WDFY1: variants seen among roughly 807,000 people sequenced by gnomAD.
The protein encoded by WDFY1 is WD repeat and FYVE domain containing 1.
Under a neutral mutation model 56.4 loss-of-function variants are expected in WDFY1, and 32 were observed. The ratio of observed to expected loss-of-function variants is 0.57; its 90% CI spans 0.43 to 0.76. The LOEUF (loss-of-function observed/expected upper bound fraction) is 0.76. Among genes scored for constraint, WDFY1 ranks in the 30% least tolerant of loss-of-function variants. The pLI is 0.00. For synonymous variants in WDFY1, 192 were observed against 197.3 expected (o/e 0.97, Z 0.23); for missense variants, 480 against 545.7 (o/e 0.88, Z 1.20).
chr2:223,887,194 G>A (rs983442831), intron 8 of WDFY1, among the ~76,000 whole-genome samples: 2 of 152,200 alleles, frequency 1.3e-5, no homozygotes, highest in Non-Finnish European at 2.9e-5. Context: ...GGTGATGTGT[G>A]GGGATACTAC....
At chr2:223,888,901 C>CTTTTTTTTTTTTTT (rs71058955) in intron 8 of WDFY1, among the ~76,000 whole-genome samples, 1 of 61,436 alleles carries the variant, frequency 1.6e-5, no homozygotes, top group Non-Finnish European at 3.2e-5. Flanking sequence ...ATTCTCAACT[C>CTTTTTTTTTTTTTT]TTTTTTTTTT....
At position 223,875,402 on chromosome 2, in the gene WDFY1, A is replaced by C. The variant is rs1304101188; in HGVS notation, c.*3269T>G. On this transcript the variant is annotated 3_prime_UTR_variant, in exon 12 of 12. Transcript: ENST00000233055. ...ATTTTCTCAAAAAAAAAAACCCACA[A>C]AAACAGAACCCACAAATAGGAGCAA... 6.6e-6 allele frequency: 1 copy of C among 151,308 alleles called. No individual in the cohort carries two copies. The highest frequency in any genetic ancestry group is 6.6e-5 in the Admixed American group (1 of 15,204). 9.4% of individuals were successfully genotyped at this position (151,308 alleles called of 1,614,324 possible). A position where few individuals can be genotyped will look rare whatever the true frequency, so the allele number is the denominator to read the frequency against.
chr2:223,940,888 T>A (rs1689292964), intron 1 of WDFY1, among the ~76,000 whole-genome samples: 3 of 152,104 alleles, frequency 2.0e-5, no homozygotes, highest in Admixed American at 2.0e-4. Flanking sequence ...AATGGCATGA[T>A]CTCGGCTCAC....
rs1456747983 is a variant in WDFY1 at position 223,945,035 on chromosome 2, C to T, written c.137+113G>A. On this transcript the variant is annotated intron_variant, in intron 1 of 11. Coordinates refer to ENST00000233055, the MANE Select transcript of WDFY1 (RefSeq NM_020830.5). Reference sequence around the variant, plus strand: ...TAAGGGGCGCAGAGTGGGGGTGGGGCCGTGCTGCCGGGGGAGCCCCCTCAC... The same window carrying T: ...TAAGGGGCGCAGAGTGGGGGTGGGGTCGTGCTGCCGGGGGAGCCCCCTCAC... The T allele has an allele frequency of 6.4e-6, 8 of 1,252,070 alleles. No homozygotes were observed. The Admixed American group carries it at 1.4e-4, about 22-fold the overall frequency. 77.6% of individuals were successfully genotyped at this position (1,252,070 alleles called of 1,614,324 possible).
intron 5 of WDFY1, among the ~76,000 whole-genome samples, chr2:223,900,182 G>A (rs528852043): frequency 2.0e-5 from 3 of 152,242 alleles, no homozygotes; most frequent in Non-Finnish European, 2.9e-5. Context: ...AAAGAGCACC[G>A]TAAACTAGGG....
At chr2:223,918,644 A>AG (rs1693835633) in intron 1 of WDFY1, among the ~76,000 whole-genome samples, 1 of 145,072 alleles carries the variant, frequency 6.9e-6, no homozygotes, top group African/African-American at 2.5e-5. Context: ...AAAAAAAAAA[A>AG]GAAAAACAAA....
chr2:223,930,061 A>G (rs1694048409), intron 1 of WDFY1, among the ~76,000 whole-genome samples: 2 of 152,226 alleles, frequency 1.3e-5, no homozygotes, highest in Non-Finnish European at 2.9e-5. Flanking sequence ...GAGTATGGAA[A>G]AGTTCAGGTC....
chr2:223,902,203 G>A (rs1375883271), intron 4 of WDFY1, among the ~76,000 whole-genome samples: 1 of 152,206 alleles, frequency 6.6e-6, no homozygotes, highest in African/African-American at 2.4e-5. Context: ...CTGCTAAAAG[G>A]TTACACTGAA....
chr2:223,894,356 C>G lies in WDFY1; in HGVS notation c.726-17G>C. ...ACCTTGTCACTGCAAACAGCACACA[C>G]AACAGTCACTTGTCTCCATGCGGAA... On this transcript the variant is annotated splice_polypyrimidine_tract_variant and intron_variant, in intron 7 of 11. Coordinates refer to ENST00000233055, the MANE Select transcript of WDFY1 (RefSeq NM_020830.5). The G allele has an allele frequency of 1.2e-6, 2 of 1,613,540 alleles. No individual in the cohort carries two copies. The highest frequency in any genetic ancestry group is 2.2e-5 in the South Asian group (2 of 91,058).
chr2:223,918,539 A>G (rs1214364125), intron 1 of WDFY1, among the ~76,000 whole-genome samples: 1 of 151,978 alleles, frequency 6.6e-6, no homozygotes, highest in Admixed American at 6.6e-5. Flanking sequence ...CCTGAGGCAG[A>G]AGAATGGCAT....
chr2:223,923,230 G>T (rs1363426445), intron 1 of WDFY1, among the ~76,000 whole-genome samples: 1 of 151,944 alleles, frequency 6.6e-6, no homozygotes, highest in Non-Finnish European at 1.5e-5. Flanking sequence ...TAACACTATT[G>T]TACCCCAAGA....
At chr2:223,942,691 G>A (rs1369243167) in intron 1 of WDFY1, among the ~76,000 whole-genome samples, 2 of 135,612 alleles carry the variant, frequency 1.5e-5, no homozygotes, top group South Asian at 2.5e-4. Context: ...GCCCGCCACC[G>A]CGCCCGGCTA....
intron 1 of WDFY1, among the ~76,000 whole-genome samples, chr2:223,942,522 G>T: frequency 1.2e-5 from 1 of 85,704 alleles, no homozygotes; most frequent in Admixed American, 1.2e-4. Context: ...CTGGCCAAAG[G>T]CTAACTTTTT....
chr2:223,905,876 TAA>T lies in WDFY1; in HGVS notation c.334+69_334+70del, dbSNP rs1391472518. The T allele has an allele frequency of 2.7e-6, 3 of 1,101,126 alleles. No individual in the cohort carries two copies. In the African/African-American group the frequency reaches 4.9e-5, roughly 18 times the overall value. 68.2% of individuals were successfully genotyped at this position (1,101,126 alleles called of 1,614,324 possible). A position where few individuals can be genotyped will look rare whatever the true frequency, so the allele number is the denominator to read the frequency against. On this transcript the variant is annotated intron_variant, in intron 4 of 11. Transcript: ENST00000233055. ...TAATGTGAAAATCTAATTTTCATCA[TAA>T]GAGATGATGTTCTAGTTTTGTGTAT...
In WDFY1 at chr2:223,894,237, T is replaced by C. The variant is rs1400460148; in HGVS notation, c.828A>G (p.Glu276=). ...TGGACTTGCCCTTGTCTCTTACCTC[T>C]TCTCTGCTAACATCCATGTTCCACA... ...IAVWNMDVSR[E]EAPQWLESDS... The change falls in exon 8 of 12, where the codon GAA becomes GAG. Residue 276 remains glutamate (E), a synonymous_variant. Transcript: ENST00000233055. 1 of 1,614,164 alleles carries C rather than the reference T, an allele frequency of 6.2e-7. No homozygotes were observed. The highest frequency in any genetic ancestry group is 8.5e-7 in the Non-Finnish European group (1 of 1,179,986).
chr2:223,910,714 C>T (rs1304464733), intron 3 of WDFY1, among the ~76,000 whole-genome samples: 1 of 151,996 alleles, frequency 6.6e-6, no homozygotes, highest in African/African-American at 2.4e-5. Context: ...ATTTCACACC[C>T]CCCAGGATGA....
intron 1 of WDFY1, among the ~76,000 whole-genome samples, chr2:223,944,130 T>C (rs962064061): frequency 6.6e-6 from 1 of 152,256 alleles, no homozygotes; most frequent in Non-Finnish European, 1.5e-5. Flanking sequence ...CAGGTGATTC[T>C]AGCAGCCGTG....
At chr2:223,888,586 A>AATT (rs375197306) in intron 8 of WDFY1, among the ~76,000 whole-genome samples, 2 of 131,394 alleles carry the variant, frequency 1.5e-5, no homozygotes, top group African/African-American at 2.9e-5. Context: ...TAAATTCTCA[A>AATT]TTTTTTTTTT....
chr2:223,934,785 T>C (rs1694141699), intron 1 of WDFY1, among the ~76,000 whole-genome samples: 1 of 152,234 alleles, frequency 6.6e-6, no homozygotes. Context: ...CCTCCCAAAG[T>C]GCTGGGGTTA....
Sources: gnomAD v4.1 joint callset for allele counts (sites outside exome capture counted in the v4.1 genomes callset) on GRCh38, gnomAD v4.1.1 for gene constraint, MANE v1.5 for transcripts, NCBI Gene and HGNC (gene_info 2026-07-23, HGNC 2026-07-21) for gene names.